Variants in HM13 observed in about 807,000 individuals in gnomAD.
HM13 encodes the protein histocompatibility minor 13.
In HM13, 18 loss-of-function variants were observed where a neutral mutation model predicts 50.0. The observed-to-expected ratio is 0.36, with a 90% CI of 0.25 to 0.53. The LOEUF (loss-of-function observed/expected upper bound fraction) is 0.53. HM13 is among the 20% of genes least tolerant of loss of function. The pLI, the probability that HM13 is intolerant of heterozygous loss-of-function variation, is 0.90. For synonymous variants in HM13, 197 were observed against 232.6 expected (o/e 0.85, Z 1.39); for missense variants, 393 against 552.4 (o/e 0.71, Z 2.89).
Position 31,554,533 on chromosome 20 carries a change from T to A in HM13, c.725-213T>A. 3 of 488,472 alleles carry A rather than the reference T, an allele frequency of 6.1e-6. No homozygotes were observed. The South Asian group carries it at 6.6e-5, about 11-fold the overall frequency. The allele number at this position is 488,472 out of a possible 1,614,324, so 30.3% of individuals were successfully genotyped here. ...CCGTCTCTACTAAAAATACAAAAAA[T>A]TAGCTGGGTGCGGTGGTGGGCGCCT... On this transcript the variant is annotated intron_variant, in intron 7 of 12. Coordinates refer to ENST00000398174, the MANE Select transcript of HM13 (RefSeq NM_178581.3).
chr20:31,530,817 TCATACA>T (rs1435179989), intron 2 of HM13, among the ~76,000 whole-genome samples: 3 of 152,194 alleles, frequency 2.0e-5, no homozygotes, highest in Non-Finnish European at 4.4e-5. Context: ...CGTGAACACT[TCATACA>T]CATAATTTGT....
intron 11 of HM13, among the ~76,000 whole-genome samples, chr20:31,567,089 C>G (rs1252074761): frequency 6.6e-6 from 1 of 152,148 alleles, no homozygotes; most frequent in Non-Finnish European, 1.5e-5. Flanking sequence ...ACCCCTCCCC[C>G]GGACCTGCCT....
chr20:31,520,399 G>A (rs955660442), intron 1 of HM13, among the ~76,000 whole-genome samples: 11 of 152,094 alleles, frequency 7.2e-5, no homozygotes, highest in Non-Finnish European at 2.9e-5. Flanking sequence ...CGCCTGCCAG[G>A]TACAAACAAT....
intron 2 of HM13, among the ~76,000 whole-genome samples, chr20:31,534,898 CATG>C (rs1403157824): frequency 6.6e-6 from 1 of 152,254 alleles, no homozygotes; most frequent in East Asian, 1.9e-4. Context: ...ATCCTGGTAA[CATG>C]GTGATACCCC....
chr20:31,567,344 C>CT (rs1249921014), intron 11 of HM13, among the ~76,000 whole-genome samples: 1 of 152,174 alleles, frequency 6.6e-6, no homozygotes, highest in Non-Finnish European at 1.5e-5. Context: ...CCACCCAATG[C>CT]TATTGTGCCC....
intron 8 of HM13, among the ~76,000 whole-genome samples, chr20:31,558,234 G>A (rs924977232): frequency 5.3e-5 from 8 of 152,150 alleles, no homozygotes; most frequent in Non-Finnish European, 1.0e-4. Context: ...TGCAGTGGGT[G>A]GACCGAGGTA....
At chr20:31,527,799 TG>T in intron 2 of HM13, 1 of 520,194 alleles carries the variant, frequency 1.9e-6, no homozygotes, top group South Asian at 2.6e-5. Flanking sequence ...TGTAGCTTTT[TG>T]TTTTGTTTTT....
intron 7 of HM13, among the ~76,000 whole-genome samples, chr20:31,554,320 C>G (rs1156260632): frequency 1.3e-5 from 2 of 151,890 alleles, no homozygotes; most frequent in Non-Finnish European, 2.9e-5. Flanking sequence ...CAAGATCGTG[C>G]CACTGCACTC....
Position 31,566,235 on chromosome 20 carries a change from C to T in HM13, c.974C>T (p.Ala325Val), listed in dbSNP as rs1245893772. ...AQPALLYLVP[A>V]CIGFPVLVAL... ...CCTGCCCTCCTATACCTGGTCCCCG[C>T]CTGCATCGGTTTTCCTGTCCTGGTG... The change falls in exon 11 of 13, where the codon GCC becomes GTC. Residue 325 changes from alanine (A) to valine (V), a missense_variant. Physicochemically the swap from Ala to Val is moderately conservative, Grantham distance 64. Coordinates refer to ENST00000398174, the MANE Select transcript of HM13 (RefSeq NM_178581.3). 1 of 1,613,952 alleles carries T rather than the reference C, an allele frequency of 6.2e-7. No individual in the cohort carries two copies. The highest frequency in any genetic ancestry group is 8.5e-7 in the Non-Finnish European group (1 of 1,179,984).
intron 3 of HM13, chr20:31,539,380 C>T (rs1983303379): frequency 1.0e-6 from 1 of 985,434 alleles, no homozygotes; most frequent in African/African-American, 1.7e-5. Flanking sequence ...AAGGAACTCA[C>T]CTTGAACTTA....
At chr20:31,522,530 G>T (rs1890816463) in intron 1 of HM13, among the ~76,000 whole-genome samples, 1 of 145,554 alleles carries the variant, frequency 6.9e-6, no homozygotes, top group African/African-American at 2.7e-5. Context: ...TGTGCAAAAA[G>T]AGCAAAACTC....
chr20:31,543,132 C>A (rs2122604850), intron 3 of HM13, among the ~76,000 whole-genome samples: 1 of 152,338 alleles, frequency 6.6e-6, no homozygotes. Flanking sequence ...CCTCCCACCG[C>A]CTCAGAACCC....
At position 31,544,984 on chromosome 20, in the gene HM13, A is replaced by T; in HGVS notation, c.403A>T (p.Asn135Tyr). ...TAAGTTTTTTCCAGCCAGCTTTCCA[A>T]ATCGACAGTACCAGCTGCTCTTCAC... ...MNKFFPASFPNRQYQLLFTQG... is the reference protein window; with the variant it reads ...MNKFFPASFPYRQYQLLFTQG... The change falls in exon 4 of 13, where the codon AAT becomes TAT. Residue 135 changes from asparagine to tyrosine, a missense_variant. This residue lies in a region of HM13 where 214 missense variants were observed against 276.1 expected (regional missense o/e 0.77). Transcript: ENST00000398174. 1 of 1,614,208 alleles carries T rather than the reference A, an allele frequency of 6.2e-7. No homozygotes were observed. The highest frequency in any genetic ancestry group is 1.7e-5 in the Admixed American group (1 of 60,022).
chr20:31,548,060 G>C, intron 4 of HM13: 1 of 1,528,546 alleles, frequency 6.5e-7, no homozygotes, highest in Non-Finnish European at 9.1e-7. Flanking sequence ...GCCTCAGAAG[G>C]AATGCATTTG....
At chr20:31,520,983 A>T (rs1433237713) in intron 1 of HM13, among the ~76,000 whole-genome samples, 1 of 152,224 alleles carries the variant, frequency 6.6e-6, no homozygotes, top group Non-Finnish European at 1.5e-5. Context: ...CGCTCTGATA[A>T]CAACATCCAG....
chr20:31,567,585 C>A (rs1397461151), intron 11 of HM13: 1 of 152,154 alleles, frequency 6.6e-6, no homozygotes, highest in Non-Finnish European at 1.5e-5. Flanking sequence ...CCCTTCTATT[C>A]TCCTCCTTTT....
chr20:31,561,692 C>G lies in HM13; in HGVS notation c.904C>G (p.Leu302Val). 6.2e-7 allele frequency: 1 copy of G among 1,613,972 alleles called. No individual in the cohort carries two copies. Among genetic ancestry groups the G allele is most frequent in the Non-Finnish European group, 8.5e-7 (1 of 1,179,798 alleles). ...CAGCTTTGCAGCCTACATCTTCGGC[C>G]TGGGCCTTACCATCTTCATCATGCA... Reference protein sequence around the residue: ...YTSFAAYIFGLGLTIFIMHIF... With the variant: ...YTSFAAYIFGVGLTIFIMHIF... The change falls in exon 10 of 13, where the codon CTG becomes GTG. Residue 302 changes from leucine to valine, a missense_variant. This residue lies in a region of HM13 where 74 missense variants were observed against 160.4 expected (regional missense o/e 0.46). Coordinates refer to ENST00000398174, the MANE Select transcript of HM13 (RefSeq NM_178581.3).
chr20:31,542,927 G>A (rs6059889), intron 3 of HM13, among the ~76,000 whole-genome samples: 41,462 of 151,890 alleles, frequency 0.27, 8,519 homozygotes, highest in African/African-American at 0.58. Flanking sequence ...CAGGAAGTCT[G>A]GCTCCGGAGT....
intron 4 of HM13, among the ~76,000 whole-genome samples, chr20:31,546,470 C>T (rs1026524005): frequency 1.3e-5 from 2 of 151,530 alleles, no homozygotes; most frequent in African/African-American, 4.9e-5. Flanking sequence ...AAAGACTGAG[C>T]TTGGGCCAGG....
Sources: allele counts gnomAD v4.1 joint callset (sites outside exome capture counted in the v4.1 genomes callset), GRCh38; gene constraint gnomAD v4.1.1; regional missense constraint gnomAD v4.1.1; transcripts MANE v1.5; gene names NCBI Gene and HGNC (gene_info 2026-07-23, HGNC 2026-07-21).